Variants in ALS2 observed in about 807,000 individuals in gnomAD.
ALS2 encodes the protein alsin Rho guanine nucleotide exchange factor ALS2, also known as alsin.
Under a neutral mutation model 203.4 loss-of-function variants are expected in ALS2, and 117 were observed. The ratio of observed to expected loss-of-function variants is 0.58; its 90% CI spans 0.50 to 0.67. The LOEUF (loss-of-function observed/expected upper bound fraction) is 0.67. Among genes scored for constraint, ALS2 ranks in the 30% least tolerant of loss-of-function variants. The pLI, the probability that ALS2 is intolerant of heterozygous loss-of-function variation, is 0.00. For synonymous variants in ALS2, 718 were observed against 725.9 expected, an observed-to-expected ratio of 0.99 and a Z score of 0.17; for missense variants, 1,715 against 1,989.4, an observed-to-expected ratio of 0.86 and a Z score of 2.62.
At chr2:201,742,409 C>T (rs566617900) in intron 10 of ALS2, among the ~76,000 whole-genome samples, 21 of 152,188 alleles carry the variant, frequency 1.4e-4, no homozygotes, top group Admixed American at 3.3e-4. Context: ...GAGATGGCAC[C>T]AGGATATTAT....
intron 17 of ALS2, 21 bp from the exon 18 acceptor site, chr2:201,726,887 C>T (rs771192744): frequency 2.5e-6 from 4 of 1,605,048 alleles, no homozygotes; most frequent in Non-Finnish European, 3.4e-6. Context: ...AAAGTAACGT[C>T]AATAAGTTTA....
At chr2:201,720,214 A>G in intron 23 of ALS2, 1 of 378,240 alleles carries the variant, frequency 2.6e-6, no homozygotes, top group South Asian at 1.9e-5. Context: ...AAAATCCTCA[A>G]CAAAATATTC....
chr2:201,741,849 A>C lies in ALS2; in HGVS notation c.2176T>G (p.Leu726Val), dbSNP rs1234085357. 6.2e-7 allele frequency: 1 copy of C among 1,612,160 alleles called. No individual in the cohort carries two copies. Among genetic ancestry groups the C allele is most frequent in the Non-Finnish European group, 8.5e-7 (1 of 1,178,484 alleles). Reference sequence around the variant, plus strand: ...AGCTGGACTGTAGTTGTAGTGCCCAAATTTTCTATAACAAAATAATGATGA... The same window carrying C: ...AGCTGGACTGTAGTTGTAGTGCCCACATTTTCTATAACAAAATAATGATGA... ...ILRPLLSLEN[L>V]GTTTTVQLLQ... Residue 726 changes from leucine to valine, a missense_variant, in exon 11 of 34, where the codon TTG becomes GTG. By Grantham distance (32) the Leu-to-Val change is conservative. Transcript: ENST00000264276.
chr2:201,768,820 CTA>C (rs1450235883), intron 2 of ALS2, 44 bp downstream of exon 2: 2 of 1,586,334 alleles, frequency 1.3e-6, no homozygotes, highest in Middle Eastern at 1.7e-4. Context: ...AAGCTGTTTG[CTA>C]TGTTTTCCTA....
intron 1 of ALS2, among the ~76,000 whole-genome samples, chr2:201,777,847 T>C (rs1333453504): frequency 1.3e-5 from 2 of 152,208 alleles, no homozygotes; most frequent in African/African-American, 4.8e-5. Context: ...CAGTATTACA[T>C]ACTTGAGATG....
At chr2:201,703,950 CCTA>C (rs1444234351) in intron 33 of ALS2, among the ~76,000 whole-genome samples, 169 bp downstream of exon 33, 1 of 152,098 alleles carries the variant, frequency 6.6e-6, no homozygotes. Context: ...ACTGGCTTAT[CCTA>C]CTTTAATATA....
At chr2:201,771,184 T>C (rs897775159) in intron 1 of ALS2, among the ~76,000 whole-genome samples, 1 of 151,578 alleles carries the variant, frequency 6.6e-6, no homozygotes, top group Non-Finnish European at 1.5e-5. Context: ...GTAGCTGGGA[T>C]TACAGGCACC....
At chr2:201,729,400 G>C (rs1691405468) in intron 13 of ALS2, among the ~76,000 whole-genome samples, 1 of 152,162 alleles carries the variant, frequency 6.6e-6, no homozygotes, top group East Asian at 1.9e-4. Context: ...GCATAACTCA[G>C]GTGACAGAGA....
At chr2:201,716,403 G>GCA (rs1284923677) in intron 24 of ALS2, among the ~76,000 whole-genome samples, 4 of 152,222 alleles carry the variant, frequency 2.6e-5, no homozygotes, top group African/African-American at 7.2e-5. Context: ...AATTAGCTGG[G>GCA]CATGGTGGCA....
intron 22 of ALS2, 80 bp from the exon 23 acceptor site, chr2:201,723,200 G>C (rs1230008323): frequency 7.2e-7 from 1 of 1,391,808 alleles, no homozygotes; most frequent in African/African-American, 1.4e-5. Flanking sequence ...TATCCCCAAA[G>C]CCTTATGGAA....
intron 23 of ALS2, among the ~76,000 whole-genome samples, chr2:201,720,485 T>A (rs1690702966): frequency 6.9e-6 from 1 of 144,854 alleles, no homozygotes; most frequent in South Asian, 2.2e-4. Flanking sequence ...GGTGGATTGC[T>A]TGAGCTCAGG....
At position 201,763,078 on chromosome 2, in the gene ALS2, A is replaced by G. The variant is rs1402465615; in HGVS notation, c.176-1260T>C. On this transcript the variant is annotated intron_variant, in intron 3 of 33. Transcript: ENST00000264276. Reference sequence around the variant, plus strand: ...GCAGACGCGCACTGGCCAGCACACCAGATTCCAGGTGTTTGTTGCCACTGG... The same window carrying G: ...GCAGACGCGCACTGGCCAGCACACCGGATTCCAGGTGTTTGTTGCCACTGG... 20 of 175,730 alleles carry G rather than the reference A, an allele frequency of 1.1e-4. No homozygotes were observed. In the South Asian group the frequency reaches 2.4e-3, roughly 21 times the overall value. The allele number at this position is 175,730 out of a possible 1,614,324, so 10.9% of individuals were successfully genotyped here. A position where few individuals can be genotyped will look rare whatever the true frequency, so the allele number is the denominator to read the frequency against.
At chr2:201,743,373 C>A (rs1291308722) in intron 10 of ALS2, among the ~76,000 whole-genome samples, 2 of 152,206 alleles carry the variant, frequency 1.3e-5, no homozygotes, top group Non-Finnish European at 2.9e-5. Flanking sequence ...GGCATCCCAT[C>A]TAGTACTACT....
chr2:201,743,032 C>T (rs941769446), intron 10 of ALS2, among the ~76,000 whole-genome samples: 1 of 146,892 alleles, frequency 6.8e-6, no homozygotes, highest in Non-Finnish European at 1.5e-5. Context: ...GATTGTGCCA[C>T]TACACTCCAG....
At chr2:201,748,502 C>A (rs981420463) in intron 8 of ALS2, among the ~76,000 whole-genome samples, 3 of 152,116 alleles carry the variant, frequency 2.0e-5, no homozygotes, top group Non-Finnish European at 4.4e-5. Context: ...AAACTAAAAT[C>A]TTGTAACAAA....
At position 201,754,632 on chromosome 2, in the gene ALS2, G is replaced by A. The variant is rs747774956; in HGVS notation, c.1511C>T (p.Thr504Met). 5.0e-6 allele frequency: 8 copies of A among 1,614,070 alleles called. No individual in the cohort carries two copies. The highest frequency in any genetic ancestry group is 1.6e-4 in the Middle Eastern group (1 of 6,062). Residue 504 changes from threonine (T) to methionine (M), a missense_variant, in exon 6 of 34, where the codon ACG becomes ATG. By Grantham distance (81) the Thr-to-Met change is moderately conservative. Transcript: ENST00000264276. ...RLLRKAARVK[T>M]RTVVLTPTYS... Reference sequence around the variant, plus strand: ...TGTGGGGGTCAGAACCACTGTCCTCGTTTTCACCCGTGCAGCCTTTCTTAA... The same window carrying A: ...TGTGGGGGTCAGAACCACTGTCCTCATTTTCACCCGTGCAGCCTTTCTTAA...
chr2:201,767,868 A>T (rs1694182325), intron 2 of ALS2, among the ~76,000 whole-genome samples: 2 of 21,586 alleles, frequency 9.3e-5, no homozygotes, highest in East Asian at 1.1e-3. Flanking sequence ...ACTCTGTCTA[A>T]AAAAAAAAAA....
chr2:201,718,347 C>T lies in ALS2; in HGVS notation c.3703-137G>A. The T allele has an allele frequency of 3.1e-6, 3 of 952,932 alleles. No homozygotes were observed. The Admixed American group carries it at 6.0e-5, about 19-fold the overall frequency. The allele number at this position is 952,932 out of a possible 1,614,324, so 59.0% of individuals were successfully genotyped here. The stretch of plus-strand genomic sequence containing the variant: ...CGATCTTGGCTCACTGCAACCTCCG[C>T]TTCCTGGGTTAAAGTGATCCTCCTG... On this transcript the variant is annotated intron_variant, in intron 23 of 33. Coordinates refer to ENST00000264276, the MANE Select transcript of ALS2 (RefSeq NM_020919.4).
chr2:201,758,574 A>G (rs545742625), intron 4 of ALS2, among the ~76,000 whole-genome samples: 1 of 152,320 alleles, frequency 6.6e-6, no homozygotes, highest in African/African-American at 2.4e-5. Context: ...GCTGTCAAAC[A>G]TCATTGTTCC....
Sources: allele counts gnomAD v4.1 joint callset (sites outside exome capture counted in the v4.1 genomes callset), GRCh38; gene constraint gnomAD v4.1.1; transcripts MANE v1.5; gene names NCBI Gene and HGNC (gene_info 2026-07-23, HGNC 2026-07-21).